Variants in ATG7 observed in about 807,000 individuals in gnomAD.
ATG7 encodes the protein ubiquitin-like modifier-activating enzyme ATG7.
Under a neutral mutation model 82.4 loss-of-function variants are expected in ATG7, and 70 were observed. The observed-to-expected ratio is 0.85, with a 90% CI of 0.70 to 1.04. The LOEUF (loss-of-function observed/expected upper bound fraction) is 1.04. Among genes scored for constraint, ATG7 ranks in the 50% least tolerant of loss-of-function variants. ATG7 has a pLI of 0.00. For synonymous variants in ATG7, 287 were observed against 313.0 expected (o/e 0.92, Z 0.88); for missense variants, 792 against 864.3 (o/e 0.92, Z 1.05).
At chr3:11,517,266 A>G (rs953824501) in intron 20 of ATG7, among the ~76,000 whole-genome samples, 3 of 151,522 alleles carry the variant, frequency 2.0e-5, no homozygotes, top group Non-Finnish European at 2.9e-5. Flanking sequence ...GCTTGAACCC[A>G]GGAGATGGAG....
intron 20 of ATG7, among the ~76,000 whole-genome samples, chr3:11,436,040 G>C (rs899716147): frequency 1.3e-5 from 2 of 152,108 alleles, no homozygotes; most frequent in African/African-American, 4.8e-5. Flanking sequence ...CTGGAGACCA[G>C]CCTGGGCAGC....
chr3:11,539,496 A>C (rs1233708348), intron 20 of ATG7, among the ~76,000 whole-genome samples: 1 of 138,712 alleles, frequency 7.2e-6, no homozygotes, highest in Non-Finnish European at 1.6e-5. Context: ...GTTCTCCTTA[A>C]AATGGTTGGG....
intron 20 of ATG7, among the ~76,000 whole-genome samples, chr3:11,468,656 C>T (rs572746400): frequency 1.2e-3 from 176 of 152,290 alleles, no homozygotes; most frequent in African/African-American, 4.2e-3. Flanking sequence ...CTTGATCCCC[C>T]ACTACTTCAT....
intron 11 of ATG7, 25 bp downstream of exon 11, chr3:11,333,118 C>G (rs765443928): frequency 6.5e-7 from 1 of 1,526,850 alleles, no homozygotes; most frequent in South Asian, 1.3e-5. Context: ...TTTGAAAATG[C>G]ATATAATTAT....
chr3:11,303,845 C>T lies in ATG7; in HGVS notation c.216-3098C>T, dbSNP rs372394336. ...ATCCCAGCACTTTGGGAGGCCGAGGCGGGTGGGTCACGAGGTCAGGGATCG... is the reference window on the plus strand; with the variant it reads ...ATCCCAGCACTTTGGGAGGCCGAGGTGGGTGGGTCACGAGGTCAGGGATCG... On this transcript the variant is annotated intron_variant, in intron 5 of 20. Coordinates refer to ENST00000693202, the MANE Select transcript of ATG7 (RefSeq NM_001349232.2). Among the ~76,000 whole-genome samples the T allele has an allele frequency of 4.5e-4, 61 of 136,568 alleles. No homozygotes were observed. The East Asian group carries it at 9.1e-3, about 20-fold the overall frequency. The allele number at this position is 136,568 out of a possible 152,430, so 89.6% of individuals were successfully genotyped here.
intron 17 of ATG7, among the ~76,000 whole-genome samples, chr3:11,363,369 A>G (rs1260978610): frequency 6.6e-6 from 1 of 152,022 alleles, no homozygotes; most frequent in Non-Finnish European, 1.5e-5. Context: ...CAGCCTCCCA[A>G]GTAGCTGGAA....
At chr3:11,545,761 T>TC (rs2071226402) in intron 20 of ATG7, among the ~76,000 whole-genome samples, 1 of 152,086 alleles carries the variant, frequency 6.6e-6, no homozygotes. Flanking sequence ...CTTCTGGATG[T>TC]CCCCTCTCCT....
chr3:11,514,251 CT>C (rs1475232106), intron 20 of ATG7, among the ~76,000 whole-genome samples: 1 of 152,208 alleles, frequency 6.6e-6, no homozygotes, highest in Non-Finnish European at 1.5e-5. Flanking sequence ...GCCAGTGTGA[CT>C]TTTAGACCCA....
At chr3:11,367,599 CTGGG>C (rs2076712076) in intron 18 of ATG7, among the ~76,000 whole-genome samples, 1 of 152,148 alleles carries the variant, frequency 6.6e-6, no homozygotes, top group South Asian at 2.1e-4. Context: ...TGTTCTGTCT[CTGGG>C]TCCACAGGCA....
At chr3:11,275,557 A>C (rs1575086396) in intron 1 of ATG7, among the ~76,000 whole-genome samples, 1 of 124,960 alleles carries the variant, frequency 8.0e-6, no homozygotes. Flanking sequence ...ATGGGGTTTC[A>C]CTGTGCTAGC....
chr3:11,573,287 GA>G, the ATG7 span, among the ~76,000 whole-genome samples: 2 of 9,946 alleles, frequency 2.0e-4, 1 homozygote, highest in Non-Finnish European at 3.2e-4. Context: ...AAGAAAGAAA[GA>G]AAGAAAGAAA....
rs372651539 is a variant in ATG7 at position 11,315,326 on chromosome 3, C to T, written c.529-18C>T. ...AATGTAATTTTCTAGAGAATAACAA[C>T]GTGTTTTCTGTTTTCAGATTGAAGC... is the stretch of plus-strand genomic sequence containing the variant. On this transcript the variant is annotated intron_variant, in intron 8 of 20. Transcript: ENST00000693202. 161 of 1,530,348 alleles carry T rather than the reference C, an allele frequency of 1.1e-4. 2 individuals carry two copies. The highest frequency in any genetic ancestry group is 2.2e-4 in the Admixed American group (10 of 46,082). The allele number at this position is 1,530,348 out of a possible 1,614,324, so 94.8% of individuals were successfully genotyped here. A position where few individuals can be genotyped will look rare whatever the true frequency, so the allele number is the denominator to read the frequency against.
Position 11,521,092 on chromosome 3 carries a change from T to A in ATG7, c.2080-33719T>A, listed in dbSNP as rs372440405. Among the ~76,000 whole-genome samples, 99 of 152,180 alleles carry A rather than the reference T, an allele frequency of 6.5e-4. 1 individual carries two copies. The South Asian group carries it at 0.013, about 20-fold the overall frequency. On this transcript the variant is annotated intron_variant, in intron 20 of 20. Coordinates refer to ENST00000693202, the MANE Select transcript of ATG7 (RefSeq NM_001349232.2). ...CATGATATGGGGAACATGGTAAAAATGCCTGTCTCGCAGCAATGCTGAGAC... is the reference window on the plus strand; with the variant it reads ...CATGATATGGGGAACATGGTAAAAAAGCCTGTCTCGCAGCAATGCTGAGAC...
intron 9 of ATG7, among the ~76,000 whole-genome samples, chr3:11,330,096 G>C (rs1027780224): frequency 6.6e-6 from 1 of 152,170 alleles, no homozygotes; most frequent in Non-Finnish European, 1.5e-5. Flanking sequence ...AAATACCACT[G>C]AGTGAAGTAC....
chr3:11,456,275 A>G (rs965894368), intron 20 of ATG7, among the ~76,000 whole-genome samples: 4 of 152,286 alleles, frequency 2.6e-5, no homozygotes, highest in Non-Finnish European at 4.4e-5. Context: ...TCCACTTAAC[A>G]TGCTTTCATG....
intron 20 of ATG7, among the ~76,000 whole-genome samples, chr3:11,432,123 C>T (rs1287362068): frequency 6.6e-6 from 1 of 152,036 alleles, no homozygotes; most frequent in East Asian, 1.9e-4. Flanking sequence ...GGGGACCAGG[C>T]TGACAAAGAT....
At chr3:11,461,938 G>A (rs1043040748) in intron 20 of ATG7, among the ~76,000 whole-genome samples, 2 of 152,036 alleles carry the variant, frequency 1.3e-5, no homozygotes, top group Non-Finnish European at 2.9e-5. Context: ...GCTGAGGCAG[G>A]AGAATGGTTA....
At chr3:11,404,012 T>C (rs900292224) in intron 19 of ATG7, among the ~76,000 whole-genome samples, 1 of 151,580 alleles carries the variant, frequency 6.6e-6, no homozygotes, top group Non-Finnish European at 1.5e-5. Flanking sequence ...AAAAGAAATC[T>C]CCCCCCCAGA....
At chr3:11,527,957 T>A (rs2092618543) in intron 20 of ATG7, among the ~76,000 whole-genome samples, 1 of 152,196 alleles carries the variant, frequency 6.6e-6, no homozygotes, top group African/African-American at 2.4e-5. Flanking sequence ...GTGGGCTGAT[T>A]TGTGATGCAT....
Sources: gnomAD v4.1 joint callset for allele counts (sites outside exome capture counted in the v4.1 genomes callset) on GRCh38, gnomAD v4.1.1 for gene constraint, MANE v1.5 for transcripts, NCBI Gene and HGNC (gene_info 2026-07-23, HGNC 2026-07-21) for gene names.